Variants in OCA2 observed in about 807,000 individuals in gnomAD.
OCA2 encodes OCA2 melanosomal transmembrane protein, also known as P protein.
OCA2 carries 77 observed loss-of-function variants against 100.2 expected under a neutral mutation model. That is an observed-to-expected ratio of 0.77 (90% CI 0.64 to 0.93). The LOEUF (loss-of-function observed/expected upper bound fraction) is 0.93, where lower values mean the gene tolerates loss of function less well. Among genes scored for constraint, OCA2 ranks in the 40% least tolerant of loss-of-function variants. The probability of loss-of-function intolerance (pLI) is 0.00; values close to 1 mark genes in which losing one functional copy is unlikely to be tolerated. For synonymous variants in OCA2, 432 were observed against 439.2 expected (o/e 0.98, Z 0.21); for missense variants, 1,062 against 1,089.1 (o/e 0.98, Z 0.35).
chr15:27,796,851 C>G (rs1338730198), intron 23 of OCA2, among the ~76,000 whole-genome samples: 2 of 152,202 alleles, frequency 1.3e-5, no homozygotes, highest in East Asian at 3.9e-4. Flanking sequence ...GTTTCTCCAG[C>G]CCCGCCTACC....
chr15:27,779,090 A>T (rs982068098), intron 23 of OCA2, among the ~76,000 whole-genome samples: 2 of 152,214 alleles, frequency 1.3e-5, no homozygotes, highest in Admixed American at 1.3e-4. Context: ...CAATACTTAA[A>T]ATGTCTTATT....
chr15:27,839,160 A>G (rs2035258462), intron 23 of OCA2, among the ~76,000 whole-genome samples: 1 of 152,222 alleles, frequency 6.6e-6, no homozygotes, highest in Non-Finnish European at 1.5e-5. Context: ...ATAGACAAAC[A>G]AGGTATAAAA....
intron 17 of OCA2, among the ~76,000 whole-genome samples, chr15:27,953,230 C>T (rs114666366): frequency 0.01 from 1,527 of 152,312 alleles, 28 homozygotes; most frequent in African/African-American, 0.034. Context: ...CAAAGAGATT[C>T]TCTCTCTTGC....
chr15:28,040,380 G>C (rs2043168104), intron 2 of OCA2, among the ~76,000 whole-genome samples: 1 of 152,148 alleles, frequency 6.6e-6, no homozygotes, highest in African/African-American at 2.4e-5. Context: ...GAAATTTATA[G>C]CTGTAAATGC....
At chr15:27,864,589 G>A (rs1381750726) in intron 21 of OCA2, among the ~76,000 whole-genome samples, 1 of 152,142 alleles carries the variant, frequency 6.6e-6, no homozygotes, top group Non-Finnish European at 1.5e-5. Flanking sequence ...GAAAGCCGGG[G>A]AAAGGAGATG....
intron 23 of OCA2, among the ~76,000 whole-genome samples, chr15:27,780,024 G>A (rs2032455987): frequency 6.6e-6 from 1 of 152,186 alleles, no homozygotes; most frequent in Non-Finnish European, 1.5e-5. Flanking sequence ...TAACAAAAAT[G>A]TGTCCTTAGT....
intron 23 of OCA2, among the ~76,000 whole-genome samples, chr15:27,795,441 C>A (rs58546861): frequency 1.3e-5 from 2 of 152,002 alleles, no homozygotes; most frequent in Non-Finnish European, 2.9e-5. Flanking sequence ...TCTCCACCCA[C>A]AAGCTCAGGA....
At chr15:27,732,438 C>T in the OCA2 span, among the ~76,000 whole-genome samples, 5 of 152,120 alleles carry the variant, frequency 3.3e-5, no homozygotes, top group African/African-American at 9.7e-5. Context: ...GCACAGTGCT[C>T]GCAAAGCCAC....
intron 23 of OCA2, among the ~76,000 whole-genome samples, chr15:27,824,779 C>T (rs557130647): frequency 1.3e-5 from 2 of 151,786 alleles, no homozygotes; most frequent in South Asian, 2.1e-4. Context: ...GCCTCGCACA[C>T]GACTCAGGTG....
chr15:27,926,649 C>A (rs1017284070), intron 18 of OCA2, among the ~76,000 whole-genome samples: 1 of 152,060 alleles, frequency 6.6e-6, no homozygotes, highest in Admixed American at 6.6e-5. Flanking sequence ...TTTTGAGACA[C>A]AGTTTTGCTC....
intron 9 of OCA2, among the ~76,000 whole-genome samples, chr15:27,999,164 C>T (rs550376543): frequency 6.6e-6 from 1 of 151,114 alleles, no homozygotes; most frequent in East Asian, 1.9e-4. Flanking sequence ...CTAACCTGCA[C>T]ATTGTGCACA....
At chr15:28,013,450 G>A (rs137868888) in intron 9 of OCA2, among the ~76,000 whole-genome samples, 259 of 152,272 alleles carry the variant, frequency 1.7e-3, no homozygotes, top group African/African-American at 6.0e-3. Context: ...AGTGTGTTCT[G>A]CTGTATTACC....
At chr15:27,931,794 C>G (rs2039260813) in intron 18 of OCA2, among the ~76,000 whole-genome samples, 1 of 152,146 alleles carries the variant, frequency 6.6e-6, no homozygotes, top group African/African-American at 2.4e-5. Context: ...GAAGAGGTAT[C>G]CAAACTACCC....
intron 19 of OCA2, among the ~76,000 whole-genome samples, chr15:27,919,858 G>A (rs2703943): frequency 0.042 from 6,403 of 152,174 alleles, 466 homozygotes; most frequent in African/African-American, 0.15. Flanking sequence ...TGATAATGGG[G>A]GAAGCTATGC....
rs575299612 is a variant in OCA2 at position 28,076,853 on chromosome 15, C to CAAA, written c.227+4792_227+4794dup. Among the ~76,000 whole-genome samples, 201 of 60,400 alleles carry CAAA rather than the reference C, an allele frequency of 3.3e-3. 6 individuals carry two copies. The highest frequency in any genetic ancestry group is 9.5e-3 in the African/African-American group (178 of 18,772). 39.6% of individuals were successfully genotyped at this position (60,400 alleles called of 152,430 possible). On this transcript the variant is annotated intron_variant, in intron 2 of 23. Transcript: ENST00000354638. Reference sequence around the variant, plus strand: ...TGGGCGACAGAGCGAGACTCCGTCTCAAAAAAAAAAAAAAAAAAAAAATAG... The same window carrying CAAA: ...TGGGCGACAGAGCGAGACTCCGTCTCAAAAAAAAAAAAAAAAAAAAAAAAATAG...
intron 2 of OCA2, among the ~76,000 whole-genome samples, chr15:28,069,749 C>A (rs2044164608): frequency 6.9e-6 from 1 of 144,712 alleles, no homozygotes; most frequent in Non-Finnish European, 1.5e-5. Context: ...TCTCAGCTCA[C>A]TACAACCTAC....
At chr15:27,945,371 G>A (rs1372588282) in intron 18 of OCA2, among the ~76,000 whole-genome samples, 12 of 152,154 alleles carry the variant, frequency 7.9e-5, no homozygotes. Flanking sequence ...CTGAAATCGA[G>A]GTCCTATAAA....
At chr15:27,972,238 C>A (rs376301756) in intron 14 of OCA2, among the ~76,000 whole-genome samples, 33 of 152,242 alleles carry the variant, frequency 2.2e-4, no homozygotes, top group African/African-American at 7.9e-4. Flanking sequence ...TTTTCTTTAT[C>A]CACTTATCTG....
chr15:27,844,334 G>A (rs2035454299), intron 23 of OCA2, among the ~76,000 whole-genome samples: 1 of 152,138 alleles, frequency 6.6e-6, no homozygotes, highest in Non-Finnish European at 1.5e-5. Flanking sequence ...TTGCTAGCAG[G>A]GACTGTGCAA....
Sources: allele counts gnomAD v4.1 joint callset (sites outside exome capture counted in the v4.1 genomes callset), GRCh38; gene constraint gnomAD v4.1.1; transcripts MANE v1.5; gene names NCBI Gene and HGNC (gene_info 2026-07-23, HGNC 2026-07-21).